PIAS3: variants seen among roughly 807,000 people sequenced by gnomAD.
PIAS3 encodes the protein E3 SUMO-protein ligase PIAS3.
Under a neutral mutation model 67.6 loss-of-function variants are expected in PIAS3, and 34 were observed. The observed-to-expected ratio is 0.50, with a 90% CI of 0.38 to 0.67. The LOEUF is 0.67. Ranked by LOEUF, PIAS3 falls within the 30% of genes least tolerant of loss-of-function variation. PIAS3 has a pLI of 0.00. For missense variants in PIAS3, 693 were observed against 791.6 expected (o/e 0.88, Z 1.49); for synonymous variants, 341 against 313.8 (o/e 1.09, Z -0.92).
In PIAS3 at chr1:145,850,546, T is replaced by G. The variant is rs782293232; in HGVS notation, c.1489A>C (p.Ser497Arg). Reference protein sequence around the residue: ...SGHQPSSVLRSPAMGTLGGDF... With the variant: ...SGHQPSSVLRRPAMGTLGGDF... ...CCACCCAACGTGCCCATAGCAGGGC[T>G]CCTTAGCACCGAGGATGGCTGGTGG... is the stretch of plus-strand genomic sequence containing the variant. The change falls in exon 12 of 14, where the codon AGC (serine) becomes CGC (arginine). Residue 497 changes from serine (S) to arginine (R), a missense_variant. By Grantham distance (110) the Ser-to-Arg change is moderately radical. Coordinates refer to ENST00000393045, the MANE Select transcript of PIAS3 (RefSeq NM_006099.3). The G allele has an allele frequency of 6.2e-7, 1 of 1,614,174 alleles. No homozygotes were observed. Among genetic ancestry groups the G allele is most frequent in the South Asian group, 1.1e-5 (1 of 91,076 alleles).
In PIAS3 at chr1:145,849,616, G is replaced by C. The variant is rs1652873804; in HGVS notation, c.1717C>G (p.Leu573Val). The part of the protein sequence containing the change: ...RGTPSHFLGP[L>V]APTLGSSHCS... ...TGGGAGCTCCCCAGCGTGGGGGCCA[G>C]TGGGCCCAGAAAGTGAGAAGGGGTC... Residue 573 changes from leucine (L) to valine (V), a missense_variant, in exon 14 of 14, where the codon CTG (leucine) becomes GTG (valine). Physicochemically the swap from Leu to Val is conservative, Grantham distance 32. Around this residue, in one of 3 missense-constraint regions of PIAS3, gnomAD observed 270 missense variants for 261.0 expected, o/e 1.03. Coordinates refer to ENST00000393045, the MANE Select transcript of PIAS3 (RefSeq NM_006099.3). 1.2e-6 allele frequency: 2 copies of C among 1,613,560 alleles called. No homozygotes were observed. The highest frequency in any genetic ancestry group is 1.1e-5 in the South Asian group (1 of 90,954).
At chr1:145,854,302 T>G (rs1450258002) in intron 7 of PIAS3, 156 bp downstream of exon 7, 2 of 628,376 alleles carry the variant, frequency 3.2e-6, no homozygotes, top group Non-Finnish European at 5.7e-6. Flanking sequence ...CTATAAAGAC[T>G]GGAAGACTGG....
intron 1 of PIAS3, chr1:145,857,318 C>G (rs989002413): frequency 7.4e-6 from 3 of 407,074 alleles, no homozygotes; most frequent in Non-Finnish European, 9.1e-6. Flanking sequence ...GACACACCTC[C>G]GAGTCCATGC....
At position 145,856,902 on chromosome 1, in the gene PIAS3, G is replaced by A. The variant is rs782061276; in HGVS notation, c.129C>T (p.His43=). 8.1e-6 allele frequency: 13 copies of A among 1,614,158 alleles called. No individual in the cohort carries two copies. Among genetic ancestry groups the A allele is most frequent in the Non-Finnish European group, 1.0e-5 (12 of 1,179,994 alleles). Reference sequence around the variant, plus strand: ...TAGGGGCACAGCTGGACTTCAGGAGGTGCAGAGCCTTGGCCAGGAGCTCGT... The same window carrying A: ...TAGGGGCACAGCTGGACTTCAGGAGATGCAGAGCCTTGGCCAGGAGCTCGT... The part of the protein sequence containing the change: ...RKHELLAKAL[H]LLKSSCAPSV... The change falls in exon 2 of 14, where the codon CAC becomes CAT. Residue 43 remains histidine (H), a synonymous_variant. Transcript: ENST00000393045.
chr1:145,858,006 C>A (rs1653261963), intron 1 of PIAS3, among the ~76,000 whole-genome samples: 1 of 152,136 alleles, frequency 6.6e-6, no homozygotes, highest in East Asian at 1.9e-4. Flanking sequence ...GCTCCCATTT[C>A]AAAGGGCAGA....
At chr1:145,849,872 T>C in intron 13 of PIAS3, 160 bp from the exon 14 acceptor site, 3 of 1,474,438 alleles carry the variant, frequency 2.0e-6, no homozygotes, top group South Asian at 2.9e-5. Context: ...CCTACTTCCC[T>C]ACACCCTTCC....
At chr1:145,850,424 C>T in intron 12 of PIAS3, 29 bp downstream of exon 12, 3 of 1,613,476 alleles carry the variant, frequency 1.9e-6, no homozygotes, top group Non-Finnish European at 2.5e-6. Context: ...TGTGGCAGTG[C>T]AGGGTCCATC....
chr1:145,854,044 A>G, intron 7 of PIAS3, 158 bp from the exon 8 acceptor site: 1 of 626,022 alleles, frequency 1.6e-6, no homozygotes, highest in Non-Finnish European at 2.8e-6. Flanking sequence ...TGGGATATGG[A>G]TGATGAAGGC....
chr1:145,853,711 T>C, intron 8 of PIAS3, 47 bp from the exon 9 acceptor site: 1 of 1,610,494 alleles, frequency 6.2e-7, no homozygotes, highest in Non-Finnish European at 8.5e-7. Context: ...TCTGATTTCA[T>C]CCCAGAAAAC....
Position 145,856,754 on chromosome 1 carries a change from GAGGACC to G in PIAS3, c.271_276del (p.Gly91_Pro92del), listed in dbSNP as rs1559165397. 1 of 1,614,122 alleles carries G rather than the reference GAGGACC, an allele frequency of 6.2e-7. No individual in the cohort carries two copies. The highest frequency in any genetic ancestry group is 1.3e-5 in the African/African-American group (1 of 75,018). On this transcript the variant is annotated inframe_deletion, in exon 2 of 14. Coordinates refer to ENST00000393045, the MANE Select transcript of PIAS3 (RefSeq NM_006099.3). ...AACAGCGTTGGGGGAATGGGAGCTA[GAGGACC>G]AGGGGAGCCTACAGGAGAGGTGCCA...
intron 7 of PIAS3, 147 bp downstream of exon 7, chr1:145,854,311 G>A (rs1013445155): frequency 1.6e-6 from 1 of 639,762 alleles, no homozygotes; most frequent in Non-Finnish European, 2.8e-6. Flanking sequence ...CTGGAAGACT[G>A]GTCAGGGGTA....
chr1:145,848,783 G>A lies in PIAS3; in HGVS notation c.*663C>T, dbSNP rs894339046. 25 of 272,618 alleles carry A rather than the reference G, an allele frequency of 9.2e-5. No homozygotes were observed. The highest frequency in any genetic ancestry group is 3.1e-4 in the East Asian group (4 of 13,074). The allele number at this position is 272,618 out of a possible 1,614,324, so 16.9% of individuals were successfully genotyped here. A position where few individuals can be genotyped will look rare whatever the true frequency, so the allele number is the denominator to read the frequency against. ...TAGAGAGAGACCCAAGCAATAGGCC[G>A]GGCCTGACTCCCAGACCCCTGCAGA... On this transcript the variant is annotated 3_prime_UTR_variant, in exon 14 of 14. Coordinates refer to ENST00000393045, the MANE Select transcript of PIAS3 (RefSeq NM_006099.3).
chr1:145,850,345 G>C (rs1342137910), intron 12 of PIAS3, 76 bp from the exon 13 acceptor site: 64 of 1,612,446 alleles, frequency 4.0e-5, no homozygotes, highest in Non-Finnish European at 3.4e-5. Flanking sequence ...ACTGTGGACT[G>C]TGGCCCCTTG....
In PIAS3 at chr1:145,859,042, C is replaced by G; in HGVS notation, c.-52G>C. The G allele has an allele frequency of 1.3e-6, 2 of 1,524,982 alleles. No homozygotes were observed. The highest frequency in any genetic ancestry group is 1.8e-6 in the Non-Finnish European group (2 of 1,133,962). 94.5% of individuals were successfully genotyped at this position (1,524,982 alleles called of 1,614,324 possible). On this transcript the variant is annotated 5_prime_UTR_variant, in exon 1 of 14. Transcript: ENST00000393045. ...GGAGCCGGAGCTCAGGCCCAGGGAC[C>G]GGCGCACAACTCTCCACCCTGGCGC...
rs375224918 is a variant in PIAS3 at position 145,856,181 on chromosome 1, C to T, written c.528-63G>A. ...AGCCCCCAGAGGGCAAGGGTGAATG[C>T]ACAGAAAGGCTGAAAGTCAGATGTC... On this transcript the variant is annotated intron_variant, in intron 3 of 13. Transcript: ENST00000393045. 4.9e-6 allele frequency: 7 copies of T among 1,432,186 alleles called. No individual in the cohort carries two copies. In the East Asian group the frequency reaches 1.4e-4, roughly 28 times the overall value. The allele number at this position is 1,432,186 out of a possible 1,614,324, so 88.7% of individuals were successfully genotyped here.
chr1:145,851,866 T>C (rs1218585450), intron 9 of PIAS3, among the ~76,000 whole-genome samples: 3 of 151,220 alleles, frequency 2.0e-5, no homozygotes, highest in Middle Eastern at 3.4e-3. Context: ...GGCAGGAGAA[T>C]TGCTTGAACC....
chr1:145,855,800 G>A lies in PIAS3; in HGVS notation c.605C>T (p.Pro202Leu). 1 of 1,607,320 alleles carries A rather than the reference G, an allele frequency of 6.2e-7. No homozygotes were observed. Among genetic ancestry groups the A allele is most frequent in the African/African-American group, 1.3e-5 (1 of 74,874 alleles). ...GTTGGGGGGAAAATAATCTTCCTGG[G>A]GGCAGCTGGTCTCACAGAGACAGAA... is the stretch of plus-strand genomic sequence containing the variant. ...LRFCLCETSC[P>L]QEDYFPPNLF... Residue 202 changes from proline to leucine, a missense_variant, in exon 5 of 14, where the codon CCC becomes CTC. Pro to Leu is a moderately conservative substitution (Grantham distance 98). Transcript: ENST00000393045.
Position 145,856,721 on chromosome 1 carries a change from C to G in PIAS3, c.310G>C (p.Gly104Arg). Reference sequence around the variant, plus strand: ...TCACGCTTGGGGCCCAGCAGGGTGCCAGGGGCCAACAGCGTTGGGGGAATG... The same window carrying G: ...TCACGCTTGGGGCCCAGCAGGGTGCGAGGGGCCAACAGCGTTGGGGGAATG... ...APIPPTLLAPGTLLGPKREVD... is the reference protein window; with the variant it reads ...APIPPTLLAPRTLLGPKREVD... The change falls in exon 2 of 14, where the codon GGC becomes CGC. Residue 104 changes from glycine (G) to arginine (R), a missense_variant. Around this residue, in one of 3 missense-constraint regions of PIAS3, gnomAD observed 308 missense variants for 348.8 expected, o/e 0.88. Coordinates refer to ENST00000393045, the MANE Select transcript of PIAS3 (RefSeq NM_006099.3). 1 of 1,613,514 alleles carries G rather than the reference C, an allele frequency of 6.2e-7. No homozygotes were observed. The highest frequency in any genetic ancestry group is 1.3e-5 in the African/African-American group (1 of 74,958).
At chr1:145,853,422 AAG>A in intron 9 of PIAS3, 80 bp downstream of exon 9, 2 of 1,193,122 alleles carry the variant, frequency 1.7e-6, no homozygotes, top group South Asian at 1.6e-5. Context: ...AAAAAAAAAA[AAG>A]AAAAGAAAAA....
Sources: gnomAD v4.1 joint callset for allele counts (sites outside exome capture counted in the v4.1 genomes callset) on GRCh38, gnomAD v4.1.1 for gene constraint, gnomAD v4.1.1 regional missense constraint, MANE v1.5 for transcripts, NCBI Gene and HGNC (gene_info 2026-07-23, HGNC 2026-07-21) for gene names.